ARNT: variants seen among roughly 807,000 people sequenced by gnomAD.
ARNT encodes the protein class E basic helix-loop-helix protein 2.
ARNT carries 30 observed loss-of-function variants against 105.0 expected under a neutral mutation model. The ratio of observed to expected loss-of-function variants is 0.29; its 90% CI spans 0.21 to 0.39. The LOEUF (loss-of-function observed/expected upper bound fraction) is 0.39. Among genes scored for constraint, ARNT ranks in the 10% least tolerant of loss-of-function variants. The pLI, the probability that ARNT is intolerant of heterozygous loss-of-function variation, is 1.00. For synonymous variants in ARNT, 304 were observed against 344.0 expected (o/e 0.88, Z 1.29); for missense variants, 748 against 978.7 (o/e 0.76, Z 3.15).
At chr1:150,828,920 G>A (rs2101810643) in intron 12 of ARNT, among the ~76,000 whole-genome samples, 173 bp downstream of exon 12, 1 of 152,282 alleles carries the variant, frequency 6.6e-6, no homozygotes, top group East Asian at 1.9e-4. Context: ...TTCTCTACAT[G>A]AGATGACAGT....
At chr1:150,820,332 T>C (rs2101660696) in intron 14 of ARNT, among the ~76,000 whole-genome samples, 1 of 152,294 alleles carries the variant, frequency 6.6e-6, no homozygotes, top group Middle Eastern at 3.4e-3. Flanking sequence ...ACTAAACCCT[T>C]CCATCTCAGG....
In ARNT at chr1:150,823,285, C is replaced by T. The variant is rs1657489146; in HGVS notation, c.1303G>A (p.Glu435Lys). 6.2e-7 allele frequency: 1 copy of T among 1,614,010 alleles called. No individual in the cohort carries two copies. The highest frequency in any genetic ancestry group is 2.2e-5 in the East Asian group (1 of 44,882). The change falls in exon 14 of 22, where the codon GAA becomes AAA. Residue 435 changes from glutamate to lysine, a missense_variant. This residue lies in a region of ARNT where 291 missense variants were observed against 444.6 expected (regional missense o/e 0.65). Transcript: ENST00000358595. ...VMFRFRSKNQ[E>K]WLWMRTSSFT... is the part of the protein sequence containing the mutation. ...GAGCTGGTTCTCATCCAGAGCCATT[C>T]TTGGTTCTTAGACCGGAACCGGAAC...
At chr1:150,847,489 C>G (rs946718458) in intron 3 of ARNT, among the ~76,000 whole-genome samples, 1 of 147,790 alleles carries the variant, frequency 6.8e-6, no homozygotes, top group Non-Finnish European at 1.5e-5. Flanking sequence ...TCAGGCACAA[C>G]AACCCGACTT....
chr1:150,810,726 T>C lies in ARNT; in HGVS notation c.*1295A>G, dbSNP rs1457182193. The C allele has an allele frequency of 1.8e-5, 4 of 221,922 alleles. No individual in the cohort carries two copies. Among genetic ancestry groups the C allele is most frequent in the Non-Finnish European group, 2.7e-5 (3 of 110,670 alleles). The allele number at this position is 221,922 out of a possible 1,614,324, so 13.7% of individuals were successfully genotyped here. On this transcript the variant is annotated 3_prime_UTR_variant, in exon 22 of 22. Coordinates refer to ENST00000358595, the MANE Select transcript of ARNT (RefSeq NM_001668.4). Reference sequence around the variant, plus strand: ...CCTGTATCCGCATTTATATGGCTATTGTTAATTACCAAGTGACCCTGTTGA... The same window carrying C: ...CCTGTATCCGCATTTATATGGCTATCGTTAATTACCAAGTGACCCTGTTGA...
rs1203390384 is a variant in ARNT at position 150,842,417 on chromosome 1, C to T, written c.272+7G>A. 4 of 1,612,044 alleles carry T rather than the reference C, an allele frequency of 2.5e-6. No homozygotes were observed. In the East Asian group the frequency reaches 8.9e-5, roughly 36 times the overall value. On this transcript the variant is annotated splice_region_variant and intron_variant, in intron 5 of 21. Coordinates refer to ENST00000358595, the MANE Select transcript of ARNT (RefSeq NM_001668.4). ...CTTCATCATGCTAAAAGACACTGTTCTCCTACCTGGCAAGTCTCTCTTTAT... is the reference window on the plus strand; with the variant it reads ...CTTCATCATGCTAAAAGACACTGTTTTCCTACCTGGCAAGTCTCTCTTTAT...
At chr1:150,833,038 A>C (rs1222939899) in intron 8 of ARNT, among the ~76,000 whole-genome samples, 1 of 152,230 alleles carries the variant, frequency 6.6e-6, no homozygotes, top group Non-Finnish European at 1.5e-5. Context: ...TCTAATCTTC[A>C]TAACAACTTT....
At chr1:150,857,294 AAT>A (rs1200674408) in intron 2 of ARNT, among the ~76,000 whole-genome samples, 1 of 152,208 alleles carries the variant, frequency 6.6e-6, no homozygotes, top group African/African-American at 2.4e-5. Context: ...TGATATTTAT[AAT>A]ACTTTTGTTT....
rs1656050035 is a variant in ARNT at position 150,817,121 on chromosome 1, C to G, written c.1660G>C (p.Asp554His). The G allele has an allele frequency of 6.2e-7, 1 of 1,614,166 alleles. No homozygotes were observed. Among genetic ancestry groups the G allele is most frequent in the African/African-American group, 1.3e-5 (1 of 75,032 alleles). The part of the protein sequence containing the change: ...KSDGLFAQDR[D>H]PRFSEIYHNI... The stretch of plus-strand genomic sequence containing the variant: ...TGATAGATTTCTGAAAATCTTGGAT[C>G]TCTATCCTGGGCAAATAAACCATCT... The change falls in exon 17 of 22, where the codon GAT becomes CAT. Residue 554 changes from aspartate to histidine, a missense_variant. Physicochemically the swap from Asp to His is moderately conservative, Grantham distance 81. Coordinates refer to ENST00000358595, the MANE Select transcript of ARNT (RefSeq NM_001668.4).
chr1:150,866,688 CACAT>C, intron 1 of ARNT, among the ~76,000 whole-genome samples: 1 of 150,404 alleles, frequency 6.6e-6, no homozygotes. Context: ...TATGTATACA[CACAT>C]ACATATACAC....
At chr1:150,823,612 A>G (rs949516174) in intron 13 of ARNT, among the ~76,000 whole-genome samples, 4 of 143,748 alleles carry the variant, frequency 2.8e-5, no homozygotes, top group Non-Finnish European at 6.0e-5. Context: ...GTGCAGTGGC[A>G]CGATCTCTGC....
At chr1:150,858,665 G>C (rs972048849) in intron 1 of ARNT, among the ~76,000 whole-genome samples, 1 of 147,732 alleles carries the variant, frequency 6.8e-6, no homozygotes, top group African/African-American at 2.5e-5. Context: ...GCCTGGGCTA[G>C]AGTGCACTGG....
chr1:150,850,733 C>T (rs1270450938), intron 3 of ARNT, among the ~76,000 whole-genome samples: 1 of 152,158 alleles, frequency 6.6e-6, no homozygotes, highest in African/African-American at 2.4e-5. Flanking sequence ...GCATCTCTGC[C>T]TGGCCGCCCA....
chr1:150,812,493 A>G (rs1047248735), intron 21 of ARNT: 4 of 161,938 alleles, frequency 2.5e-5, no homozygotes, highest in Non-Finnish European at 4.0e-5. Context: ...TGTCCTGCCT[A>G]AGATTACTCC....
chr1:150,846,747 A>G (rs1363664501), intron 3 of ARNT, among the ~76,000 whole-genome samples: 1 of 152,120 alleles, frequency 6.6e-6, no homozygotes, highest in Non-Finnish European at 1.5e-5. Flanking sequence ...CTGAAACTCT[A>G]TACTCATCAA....
At chr1:150,850,650 C>T (rs945384946) in intron 3 of ARNT, among the ~76,000 whole-genome samples, 5 of 152,360 alleles carry the variant, frequency 3.3e-5, no homozygotes, top group Admixed American at 1.3e-4. Context: ...ACCTCCCAGC[C>T]GCCTGCCTTG....
chr1:150,814,518 C>T (rs1449339154), intron 19 of ARNT, among the ~76,000 whole-genome samples: 1 of 152,146 alleles, frequency 6.6e-6, no homozygotes, highest in African/African-American at 2.4e-5. Flanking sequence ...TTATATAAAA[C>T]TAGAGGCATT....
chr1:150,851,240 G>A (rs1461939228), intron 3 of ARNT, among the ~76,000 whole-genome samples: 2 of 143,292 alleles, frequency 1.4e-5, no homozygotes, highest in Non-Finnish European at 1.5e-5. Flanking sequence ...CGGGAGGGTG[G>A]TGGGGGCGCC....
At chr1:150,852,022 G>A (rs796669125) in intron 3 of ARNT, among the ~76,000 whole-genome samples, 15 of 148,056 alleles carry the variant, frequency 1.0e-4, no homozygotes, top group African/African-American at 3.5e-4. Context: ...CACTCCTGGC[G>A]ACAGAGCAAG....
chr1:150,814,768 G>C (rs1282206088), intron 19 of ARNT, among the ~76,000 whole-genome samples: 1 of 151,998 alleles, frequency 6.6e-6, no homozygotes, highest in African/African-American at 2.4e-5. Context: ...ACTTGAACCC[G>C]GGAGACAGAG....
Sources: gnomAD v4.1 joint callset for allele counts (sites outside exome capture counted in the v4.1 genomes callset) on GRCh38, gnomAD v4.1.1 for gene constraint, gnomAD v4.1.1 regional missense constraint, MANE v1.5 for transcripts, NCBI Gene and HGNC (gene_info 2026-07-23, HGNC 2026-07-21) for gene names.